BSN: variants seen among roughly 807,000 people sequenced by gnomAD.
BSN encodes bassoon presynaptic cytomatrix protein, also known as protein bassoon.
A neutral mutation model predicts 264.8 loss-of-function variants in BSN; 57 were observed. That is an observed-to-expected ratio of 0.22 (90% confidence interval 0.17 to 0.27). The LOEUF is 0.27. Ranked by LOEUF, BSN falls within the 10% of genes least tolerant of loss-of-function variation. The pLI, the probability that BSN is intolerant of heterozygous loss-of-function variation, is 1.00. For synonymous variants in BSN, 2,059 were observed against 2,137.3 expected (o/e 0.96, Z 1.01); for missense variants, 4,615 against 5,232.5 (o/e 0.88, Z 3.64).
chr3:49,606,181 A>ATATATTATATAAACATATATTATATATG (rs1559603522), intron 1 of BSN, among the ~76,000 whole-genome samples: 1 of 6,806 alleles, frequency 1.5e-4, no homozygotes, highest in African/African-American at 4.9e-4. Context: ...TTATATATGT[A>ATATATTATATAAACATATATTATATATG]TATATATTAT....
intron 1 of BSN, among the ~76,000 whole-genome samples, chr3:49,571,240 G>A (rs1167371757): frequency 6.6e-6 from 1 of 152,132 alleles, no homozygotes; most frequent in African/African-American, 2.4e-5. Flanking sequence ...ATTCCAGAGA[G>A]GTAGTGGGCA....
At chr3:49,635,968 C>A (rs1197315831) in intron 2 of BSN, among the ~76,000 whole-genome samples, 5 of 149,808 alleles carry the variant, frequency 3.3e-5, no homozygotes, top group Middle Eastern at 3.4e-3. Context: ...CCCTGTCCCC[C>A]TCCAAAAAAA....
rs535587840 is a variant in BSN at position 49,614,023 on chromosome 3, C to T, written c.225-10952C>T. Among the ~76,000 whole-genome samples the T allele has an allele frequency of 8.0e-5, 12 of 150,692 alleles. No individual in the cohort carries two copies. In the South Asian group the frequency reaches 1.3e-3, roughly 16 times the overall value. The stretch of plus-strand genomic sequence containing the variant: ...CCGTCATTCACACAGTGCTTGTCAC[C>T]GGCACCATGGTGCAAGAGACATTCA... On this transcript the variant is annotated intron_variant, in intron 1 of 11. Coordinates refer to ENST00000296452, the MANE Select transcript of BSN (RefSeq NM_003458.4).
chr3:49,663,918 G>A, intron 8 of BSN, 32 bp downstream of exon 8: 1 of 1,601,514 alleles, frequency 6.2e-7, no homozygotes, highest in Non-Finnish European at 8.5e-7. Flanking sequence ...CTTGGCTGTG[G>A]CCCAGAGCAC....
At chr3:49,561,772 C>T (rs528136965) in intron 1 of BSN, among the ~76,000 whole-genome samples, 44 of 151,958 alleles carry the variant, frequency 2.9e-4, no homozygotes, top group African/African-American at 9.9e-4. Flanking sequence ...CTATAGTCAC[C>T]GTGTTGTACA....
chr3:49,576,995 G>C (rs1360038627), intron 1 of BSN, among the ~76,000 whole-genome samples: 1 of 152,158 alleles, frequency 6.6e-6, no homozygotes, highest in Non-Finnish European at 1.5e-5. Flanking sequence ...TTTGGTGTTT[G>C]GAATTTGAAA....
rs1240598696 is a variant in BSN, at chr3:49,654,159, C to A, written c.4603C>A (p.Gln1535Lys). 1.2e-6 allele frequency: 2 copies of A among 1,614,056 alleles called. No individual in the cohort carries two copies. Among genetic ancestry groups the A allele is most frequent in the Non-Finnish European group, 8.5e-7 (1 of 1,180,014 alleles). Residue 1535 changes from glutamine to lysine, a missense_variant, in exon 5 of 12, where the codon CAA (glutamine) becomes AAA (lysine). Transcript: ENST00000296452. The surrounding 1 kb of genome is among the most constrained non-coding windows in gnomAD (Gnocchi z 4.1). ...ATCACCTATGGTAGCCCAGGGTACA[C>A]AAACACCACATCGACCCAGCACGCC... ...TPSPMVAQGT[Q>K]TPHRPSTPRL...
At position 49,660,423 on chromosome 3, in the gene BSN, C is replaced by T; in HGVS notation, c.8641-63C>T. The T allele has an allele frequency of 6.6e-7, 1 of 1,511,046 alleles. No homozygotes were observed. Among genetic ancestry groups the T allele is most frequent in the South Asian group, 1.3e-5 (1 of 74,550 alleles). The allele number at this position is 1,511,046 out of a possible 1,614,324, so 93.6% of individuals were successfully genotyped here. On this transcript the variant is annotated intron_variant, in intron 5 of 11. Transcript: ENST00000296452. The surrounding 1 kb of genome is among the most constrained non-coding windows in gnomAD (Gnocchi z 7.1). ...CAGCCCAGGCCTGGGTTCTGCCACC[C>T]CACACCCCATCAAGTCACCACACCT...
chr3:49,663,682 A>C lies in BSN; in HGVS notation c.11508+16A>C. 1.9e-6 allele frequency: 3 copies of C among 1,603,000 alleles called. No homozygotes were observed. The highest frequency in any genetic ancestry group is 2.6e-6 in the Non-Finnish European group (3 of 1,173,466). ...AGCAGGACCGGTAAGCAGAGCTCCC[A>C]TGCATGGGTTGTAACCAGGGAAGAT... On this transcript the variant is annotated intron_variant, in intron 7 of 11. Coordinates refer to ENST00000296452, the MANE Select transcript of BSN (RefSeq NM_003458.4).
In BSN at chr3:49,585,559, C is replaced by T. The variant is rs890579063; in HGVS notation, c.224+30733C>T. On this transcript the variant is annotated intron_variant, in intron 1 of 11. Coordinates refer to ENST00000296452, the MANE Select transcript of BSN (RefSeq NM_003458.4). The surrounding 1 kb of genome is among the most constrained non-coding windows in gnomAD (Gnocchi z 4.7). ...ACATCCTTGCCTCCTCCACCCGGTCCGCCGCCGGTTTCCTTGGAAGTTAAA... is the reference window on the plus strand; with the variant it reads ...ACATCCTTGCCTCCTCCACCCGGTCTGCCGCCGGTTTCCTTGGAAGTTAAA... Among the ~76,000 whole-genome samples the T allele has an allele frequency of 6.6e-6, 1 of 152,228 alleles. No individual in the cohort carries two copies. Among genetic ancestry groups the T allele is most frequent in the Non-Finnish European group, 1.5e-5 (1 of 68,034 alleles).
At chr3:49,615,199 G>A (rs1404193873) in intron 1 of BSN, among the ~76,000 whole-genome samples, 1 of 152,202 alleles carries the variant, frequency 6.6e-6, no homozygotes, top group Non-Finnish European at 1.5e-5. Context: ...TTGGCCACAG[G>A]AAGAGTCCCA....
chr3:49,574,871 C>G (rs1243154091), intron 1 of BSN, among the ~76,000 whole-genome samples: 2 of 151,808 alleles, frequency 1.3e-5, no homozygotes, highest in Non-Finnish European at 2.9e-5. Flanking sequence ...CTCCGGACCT[C>G]AAGTGATCCG....
intron 1 of BSN, among the ~76,000 whole-genome samples, chr3:49,618,278 C>T (rs116777237): frequency 2.1e-4 from 32 of 152,250 alleles, no homozygotes; most frequent in East Asian, 9.7e-4. Context: ...TTTGTGATTT[C>T]GCTTCCCATT....
chr3:49,554,738 C>A lies in BSN; in HGVS notation c.136C>A (p.Leu46Ile). The change falls in exon 1 of 12, where the codon CTC becomes ATC. Residue 46 changes from leucine (L) to isoleucine (I), a missense_variant. Around this residue, in one of 3 missense-constraint regions of BSN, gnomAD observed 1,197 missense variants for 1,348.0 expected, o/e 0.89. Transcript: ENST00000296452. The stretch of plus-strand genomic sequence containing the variant: ...TTCAGCACCGGCCGGTGGCGGACAG[C>A]TCCCCGCGGCGGGAGCAGCGCGGTC... ...PPSAPAGGGQ[L>I]PAAGAARSTA... The A allele has an allele frequency of 8.1e-7, 1 of 1,228,946 alleles. No homozygotes were observed. The highest frequency in any genetic ancestry group is 3.5e-5 in the South Asian group (1 of 28,788). The allele number at this position is 1,228,946 out of a possible 1,614,324, so 76.1% of individuals were successfully genotyped here. A position where few individuals can be genotyped will look rare whatever the true frequency, so the allele number is the denominator to read the frequency against.
Position 49,661,774 on chromosome 3 carries a change from G to C in BSN, c.9929G>C (p.Ser3310Thr). The stretch of plus-strand genomic sequence containing the variant: ...GGTGGCCACCTCCGGAGCATGGAGA[G>C]CAATGGTCGACCAGCCAGTACCCAC... ...GKGGHLRSME[S>T]NGRPASTHYY... is the part of the protein sequence containing the mutation. Residue 3310 changes from serine to threonine, a missense_variant, in exon 6 of 12, where the codon AGC becomes ACC. Ser to Thr is a moderately conservative substitution (Grantham distance 58). Transcript: ENST00000296452. 6.2e-7 allele frequency: 1 copy of C among 1,613,384 alleles called. No homozygotes were observed. Among genetic ancestry groups the C allele is most frequent in the Non-Finnish European group, 8.5e-7 (1 of 1,180,046 alleles).
chr3:49,663,788 C>T lies in BSN; in HGVS notation c.11510C>T (p.Pro3837Leu), dbSNP rs1249032283. The T allele has an allele frequency of 1.2e-6, 2 of 1,614,130 alleles. No homozygotes were observed. The highest frequency in any genetic ancestry group is 1.7e-5 in the Admixed American group (1 of 60,024). ...TTAGCTATAGGTTCTGTGTTGCAGCCACGGGCAGAACAGACAAATGGCTCT... is the reference window on the plus strand; with the variant it reads ...TTAGCTATAGGTTCTGTGTTGCAGCTACGGGCAGAACAGACAAATGGCTCT... Reference protein sequence around the residue: ...TATGPQPAGPPRAEQTNGSKG... With the variant: ...TATGPQPAGPLRAEQTNGSKG... Residue 3837 changes from proline to leucine, a missense_variant and splice_region_variant, in exon 8 of 12, where the codon CCA (proline) becomes CTA (leucine). Pro to Leu is a moderately conservative substitution (Grantham distance 98). This residue lies in a region of BSN where 3,415 missense variants were observed against 3,866.4 expected (regional missense o/e 0.88). Transcript: ENST00000296452.
At chr3:49,571,980 A>G (rs1173870751) in intron 1 of BSN, among the ~76,000 whole-genome samples, 1 of 152,118 alleles carries the variant, frequency 6.6e-6, no homozygotes, top group Non-Finnish European at 1.5e-5. Flanking sequence ...TTCTTTGTCC[A>G]TTCATTCAAC....
At position 49,554,534 on chromosome 3, in the gene BSN, T is replaced by G. The variant is rs1575421934; in HGVS notation, c.-69T>G. 1.8e-6 allele frequency: 1 copy of G among 556,330 alleles called. No individual in the cohort carries two copies. Among genetic ancestry groups the G allele is most frequent in the Non-Finnish European group, 2.3e-6 (1 of 438,878 alleles). The allele number at this position is 556,330 out of a possible 1,614,324, so 34.5% of individuals were successfully genotyped here. On this transcript the variant is annotated 5_prime_UTR_variant, in exon 1 of 12. An upstream open reading frame in the 5' UTR loses its in-frame stop. Coordinates refer to ENST00000296452, the MANE Select transcript of BSN (RefSeq NM_003458.4). Reference sequence around the variant, plus strand: ...GGCGGCAGCGGCGGCGCCGAGAGTGTGAGCACCGCCCGGGAGCCGCCGGCC... The same window carrying G: ...GGCGGCAGCGGCGGCGCCGAGAGTGGGAGCACCGCCCGGGAGCCGCCGGCC...
At position 49,661,411 on chromosome 3, in the gene BSN, A is replaced by G; in HGVS notation, c.9566A>G (p.Tyr3189Cys). ...AGTGGCCCAGCAGTGAGCAGCGGCTATGAGCAGGGCAAGGTCCCTGAGGTG... is the reference window on the plus strand; with the variant it reads ...AGTGGCCCAGCAGTGAGCAGCGGCTGTGAGCAGGGCAAGGTCCCTGAGGTG... ...SYSGPAVSSG[Y>C]EQGKVPEVPR... Residue 3189 changes from tyrosine to cysteine, a missense_variant, in exon 6 of 12, where the codon TAT becomes TGT. Coordinates refer to ENST00000296452, the MANE Select transcript of BSN (RefSeq NM_003458.4). 1.9e-6 allele frequency: 3 copies of G among 1,613,802 alleles called. No individual in the cohort carries two copies. The highest frequency in any genetic ancestry group is 1.7e-4 in the Middle Eastern group (1 of 6,058).
Sources: allele counts gnomAD v4.1 joint callset (sites outside exome capture counted in the v4.1 genomes callset), GRCh38; gene constraint gnomAD v4.1.1; regional missense constraint gnomAD v4.1.1; non-coding constraint Gnocchi (gnomAD v3.1); transcripts MANE v1.5; gene names NCBI Gene and HGNC (gene_info 2026-07-23, HGNC 2026-07-21).